RNF13: variants seen among roughly 807,000 people sequenced by gnomAD.
RNF13 encodes E3 ubiquitin-protein ligase RNF13.
A neutral mutation model predicts 37.7 loss-of-function variants in RNF13; 19 were observed. That is an observed-to-expected ratio of 0.50 (90% CI 0.35 to 0.74). The LOEUF is 0.74. Ranked by LOEUF, RNF13 falls within the 30% of genes least tolerant of loss-of-function variation. The pLI, the probability that RNF13 is intolerant of heterozygous loss-of-function variation, is 0.01. For synonymous variants in RNF13, 144 were observed against 157.8 expected (o/e 0.91, Z 0.65); for missense variants, 375 against 453.0 (o/e 0.83, Z 1.56).
chr3:149,820,993 CAGA>C (rs1187490315), intron 1 of RNF13, among the ~76,000 whole-genome samples: 7 of 152,172 alleles, frequency 4.6e-5, no homozygotes, highest in Non-Finnish European at 1.0e-4. Context: ...CTTTTCATAG[CAGA>C]AGAATATTCC....
chr3:149,853,441 TGA>T (rs1203074607), intron 3 of RNF13, among the ~76,000 whole-genome samples: 2 of 130,832 alleles, frequency 1.5e-5, no homozygotes, highest in East Asian at 2.2e-4. Flanking sequence ...GCTGTGTGTG[TGA>T]GAGAGAGAGA....
chr3:149,866,157 G>A (rs905108266), intron 3 of RNF13, among the ~76,000 whole-genome samples: 5 of 152,298 alleles, frequency 3.3e-5, no homozygotes, highest in Admixed American at 2.0e-4. Flanking sequence ...AGAGAGGGTC[G>A]TTGGATCTCA....
intron 3 of RNF13, among the ~76,000 whole-genome samples, chr3:149,871,426 G>A (rs891635222): frequency 2.0e-5 from 3 of 148,892 alleles, no homozygotes; most frequent in Non-Finnish European, 3.0e-5. Context: ...TGGTTATCTC[G>A]TGGACGTCTT....
Position 149,859,215 on chromosome 3 carries a change from G to T in RNF13, c.195+6619G>T, listed in dbSNP as rs558496168. On this transcript the variant is annotated intron_variant, in intron 3 of 9. Transcript: ENST00000392894. ...GTTCCTTTTTCAAAGGATAAATAAA[G>T]AAATAGCATTGTCAAAATAAAGAGT... Among the ~76,000 whole-genome samples the T allele has an allele frequency of 4.6e-5, 7 of 152,168 alleles. No individual in the cohort carries two copies. In the South Asian group the frequency reaches 6.2e-4, roughly 14 times the overall value.
At chr3:149,888,305 G>T (rs1020439209) in intron 4 of RNF13, among the ~76,000 whole-genome samples, 6 of 151,958 alleles carry the variant, frequency 3.9e-5, no homozygotes, top group Non-Finnish European at 8.8e-5. Flanking sequence ...TGATCTATTT[G>T]TACTTATAAA....
chr3:149,952,030 T>C (rs973601235), intron 8 of RNF13, among the ~76,000 whole-genome samples: 1 of 152,174 alleles, frequency 6.6e-6, no homozygotes, highest in Non-Finnish European at 1.5e-5. Context: ...CTCCTACTTT[T>C]CCTTCTCCTC....
intron 3 of RNF13, among the ~76,000 whole-genome samples, chr3:149,869,467 G>T (rs959509656): frequency 6.6e-6 from 1 of 151,190 alleles, no homozygotes; most frequent in Admixed American, 6.6e-5. Context: ...TTAGCCGGGC[G>T]TAGTGGCGGG....
chr3:149,880,645 AATTTT>A (rs1713280623), intron 4 of RNF13, among the ~76,000 whole-genome samples: 1 of 152,194 alleles, frequency 6.6e-6, no homozygotes, highest in African/African-American at 2.4e-5. Context: ...CTTTTAAATT[AATTTT>A]AATTTTATGT....
At chr3:149,870,182 A>G (rs184598490) in intron 3 of RNF13, among the ~76,000 whole-genome samples, 34 of 151,868 alleles carry the variant, frequency 2.2e-4, no homozygotes, top group African/African-American at 3.6e-4. Flanking sequence ...GGAAGGGACA[A>G]ATCTCCTCCT....
At chr3:149,841,366 T>C (rs1415590477) in intron 1 of RNF13, among the ~76,000 whole-genome samples, 1 of 152,120 alleles carries the variant, frequency 6.6e-6, no homozygotes, top group Non-Finnish European at 1.5e-5. Flanking sequence ...TGTTAATAAG[T>C]GTGGATCTTT....
At chr3:149,820,693 A>G (rs56103437) in intron 1 of RNF13, among the ~76,000 whole-genome samples, 4,046 of 152,308 alleles carry the variant, frequency 0.027, 70 homozygotes, top group South Asian at 0.037. Flanking sequence ...TTTTAAAGCA[A>G]TAGTTCAGTG....
chr3:149,945,614 G>T (rs1379241008), intron 8 of RNF13, among the ~76,000 whole-genome samples: 2 of 152,186 alleles, frequency 1.3e-5, no homozygotes, highest in African/African-American at 4.8e-5. Flanking sequence ...CAGACAGACT[G>T]CCTCCTTAAG....
chr3:149,826,700 G>A (rs1352388507), intron 1 of RNF13, among the ~76,000 whole-genome samples: 3 of 152,040 alleles, frequency 2.0e-5, no homozygotes, highest in African/African-American at 4.8e-5. Flanking sequence ...AATAAAAACC[G>A]CAGAGTCCCA....
At chr3:149,852,707 C>A in intron 3 of RNF13, 111 bp downstream of exon 3, 1 of 482,162 alleles carries the variant, frequency 2.1e-6, no homozygotes, top group East Asian at 3.6e-5. Context: ...ATTATAAAGC[C>A]TATATATAGT....
intron 8 of RNF13, among the ~76,000 whole-genome samples, chr3:149,930,142 T>TGA (rs1719026537): frequency 6.6e-6 from 1 of 152,246 alleles, no homozygotes; most frequent in Admixed American, 6.5e-5. Flanking sequence ...TTGGCTAGGC[T>TGA]GGTCTTGAAC....
chr3:149,929,079 T>G (rs1718928064), intron 8 of RNF13, among the ~76,000 whole-genome samples: 1 of 152,240 alleles, frequency 6.6e-6, no homozygotes, highest in African/African-American at 2.4e-5. Context: ...TTGTGGATTC[T>G]TGGGGATTTC....
chr3:149,912,220 A>G, intron 7 of RNF13, 137 bp downstream of exon 7: 2 of 515,788 alleles, frequency 3.9e-6, no homozygotes, highest in Non-Finnish European at 6.8e-6. Context: ...GAAGTTCTAG[A>G]AAAAACAAAG....
At chr3:149,883,971 G>A (rs941681691) in intron 4 of RNF13, among the ~76,000 whole-genome samples, 2 of 152,254 alleles carry the variant, frequency 1.3e-5, no homozygotes, top group South Asian at 2.1e-4. Flanking sequence ...CTGTTTCTGC[G>A]TTAGTTTGCC....
intron 5 of RNF13, among the ~76,000 whole-genome samples, chr3:149,897,311 A>T (rs73870470): frequency 0.027 from 4,041 of 152,336 alleles, 69 homozygotes; most frequent in South Asian, 0.036. Flanking sequence ...GACCTTCTCA[A>T]GGGCTGAATA....
Sources: gnomAD v4.1 joint callset for allele counts (sites outside exome capture counted in the v4.1 genomes callset) on GRCh38, gnomAD v4.1.1 for gene constraint, MANE v1.5 for transcripts, NCBI Gene and HGNC (gene_info 2026-07-23, HGNC 2026-07-21) for gene names.